Variants in ATRX observed in about 807,000 individuals in gnomAD.
ATRX encodes the protein ATRX chromatin remodeler, also known as chromatin remodeler ATRX.
ATRX carries 12 observed loss-of-function variants against 172.6 expected under a neutral mutation model. The observed-to-expected ratio is 0.07, with a 90% CI of 0.04 to 0.11. ATRX has a LOEUF of 0.11. Ranked by LOEUF, ATRX falls within the 10% of genes least tolerant of loss-of-function variation. The pLI, the probability that ATRX is intolerant of heterozygous loss-of-function variation, is 1.00. For synonymous variants in ATRX, 674 were observed against 594.7 expected (o/e 1.13, Z -1.94); for missense variants, 1,368 against 1,767.4 (o/e 0.77, Z 4.05).
In ATRX at chrX:77,643,303, C is replaced by G. The variant is rs374936813; in HGVS notation, c.4558-7247G>C. Among the ~76,000 whole-genome samples, 14 of 110,777 alleles carry G rather than the reference C, an allele frequency of 1.3e-4. No individual in the cohort carries two copies. The South Asian group carries it at 2.7e-3, about 22-fold the overall frequency. On this transcript the variant is annotated intron_variant, in intron 15 of 34. Coordinates refer to ENST00000373344, the MANE Select transcript of ATRX (RefSeq NM_000489.6). ...CACACACAAAACAACTGCAACGTGA[C>G]TACAGGCCTGGGGCAAGGCATTACA... is the stretch of plus-strand genomic sequence containing the variant.
At chrX:77,575,920 T>A (rs1396415955) in intron 27 of ATRX, among the ~76,000 whole-genome samples, 1 of 111,659 alleles carries the variant, frequency 9.0e-6, no homozygotes, top group Non-Finnish European at 1.9e-5. Flanking sequence ...TACACCTGCC[T>A]CTATTATGGC....
rs782608216 is a variant in ATRX at position 77,681,735 on chromosome X, G to A, written c.3521C>T (p.Ser1174Phe). Residue 1174 changes from serine (S) to phenylalanine (F), a missense_variant, in exon 9 of 35, where the codon TCT becomes TTT. This residue lies in a region of ATRX where 843 missense variants were observed against 643.1 expected (regional missense o/e 1.31). Transcript: ENST00000373344. ...DNKKKKQRTS[S>F]KKKAVIVKEK... ...CTTGACAATGACTGCCTTCTTTTTA[G>A]ATGAAGTTCTTTGCTTCTTCTTTTT... 7 of 1,203,274 alleles carry A rather than the reference G, an allele frequency of 5.8e-6. No homozygotes were observed. Among genetic ancestry groups the A allele is most frequent in the Non-Finnish European group, 7.8e-6 (7 of 893,347 alleles).
chrX:77,681,689 T>A lies in ATRX; in HGVS notation c.3567A>T (p.Leu1189=), dbSNP rs2148569983. Residue 1189 remains leucine, a synonymous_variant, in exon 9 of 35, where the codon CTA becomes CTT. Transcript: ENST00000373344. ...CTTGCTTCCTTTTAGTGCTTGTTCT[T>A]AGGGAGTTTCTCTTTTTCTCCTTGA... ...VIVKEKKRNS[L]RTSTKRKQAD... is the part of the protein sequence containing the mutation. 2.5e-6 allele frequency: 3 copies of A among 1,209,015 alleles called. No homozygotes were observed. The highest frequency in any genetic ancestry group is 3.4e-6 in the Non-Finnish European group (3 of 894,779).
intron 1 of ATRX, among the ~76,000 whole-genome samples, chrX:77,729,656 C>T (rs1603284444): frequency 8.9e-6 from 1 of 111,929 alleles, no homozygotes; most frequent in East Asian, 2.8e-4. Context: ...ATTATATGGC[C>T]GGGCATGATG....
intron 30 of ATRX, among the ~76,000 whole-genome samples, chrX:77,552,229 T>C (rs1443009588): frequency 1.8e-5 from 2 of 110,312 alleles, no homozygotes; most frequent in African/African-American, 6.6e-5. Context: ...CCACCAATGA[T>C]AGACTGGATT....
intron 15 of ATRX, among the ~76,000 whole-genome samples, chrX:77,646,033 G>GT (rs1434447911): frequency 8.1e-5 from 9 of 111,586 alleles, no homozygotes; most frequent in African/African-American, 2.9e-4. Context: ...AAAGAAAGCA[G>GT]TAATGGAGGA....
Position 77,599,584 on chromosome X carries a change from AAAACAAACAAAC to A in ATRX, c.5787-16_5787-5del. On this transcript the variant is annotated splice_polypyrimidine_tract_variant and splice_region_variant and intron_variant, in intron 24 of 34. Transcript: ENST00000373344. Reference sequence around the variant, plus strand: ...CTTTTTCCCTTTTTTCTTCTTTCTAAAAACAAACAAACAAACAAACAAAAAAACACATTCAGA... The same window carrying A: ...CTTTTTCCCTTTTTTCTTCTTTCTAAAAACAAACAAAAAAACACATTCAGA... 8.3e-7 allele frequency: 1 copy of A among 1,209,419 alleles called. No homozygotes were observed. The highest frequency in any genetic ancestry group is 1.1e-6 in the Non-Finnish European group (1 of 894,293).
chrX:77,736,915 G>T (rs985339599), intron 1 of ATRX, among the ~76,000 whole-genome samples: 1 of 111,719 alleles, frequency 9.0e-6, no homozygotes, highest in Non-Finnish European at 1.9e-5. Context: ...CCCGTCATTT[G>T]CAACAACATG....
Position 77,572,034 on chromosome X carries a change from A to G in ATRX, c.6326+2216T>C, listed in dbSNP as rs371436193. 2.1e-4 allele frequency among the ~76,000 whole-genome samples: 24 copies of G among 112,045 alleles called. No individual in the cohort carries two copies. In the East Asian group the frequency reaches 5.9e-3, roughly 27 times the overall value. On this transcript the variant is annotated intron_variant, in intron 28 of 34. Transcript: ENST00000373344. ...AAAAATTAGAATTTACAGAGATATA[A>G]TCTAAAACATTTGTGGATTTTTTCC...
At chrX:77,568,490 C>T (rs2065283254) in intron 28 of ATRX, among the ~76,000 whole-genome samples, 1 of 111,814 alleles carries the variant, frequency 8.9e-6, no homozygotes, top group South Asian at 3.7e-4. Context: ...GATTTTTAAA[C>T]TCCCAAAAAA....
Position 77,681,607 on chromosome X carries a change from C to T in ATRX, c.3649G>A (p.Gly1217Ser), listed in dbSNP as rs781917332. The T allele has an allele frequency of 8.3e-7, 1 of 1,206,560 alleles. No individual in the cohort carries two copies. Among genetic ancestry groups the T allele is most frequent in the Non-Finnish European group, 1.1e-6 (1 of 893,676 alleles). Reference sequence around the variant, plus strand: ...TTCTGTTCATCGCTGCTTCCCTCACCTATAGAATTCTGATCATCATCTTCT... The same window carrying T: ...TTCTGTTCATCGCTGCTTCCCTCACTTATAGAATTCTGATCATCATCTTCT... ...DIEDDDQNSIGEGSSDEQKIK... is the reference protein window; with the variant it reads ...DIEDDDQNSISEGSSDEQKIK... The change falls in exon 9 of 35, where the codon GGT becomes AGT. Residue 1217 changes from glycine (G) to serine (S), a missense_variant. Around this residue, in one of 17 missense-constraint regions of ATRX, gnomAD observed 843 missense variants for 643.1 expected, o/e 1.31. Transcript: ENST00000373344.
chrX:77,511,631 G>T (rs564033302), intron 34 of ATRX, among the ~76,000 whole-genome samples: 1 of 111,588 alleles, frequency 9.0e-6, no homozygotes, highest in African/African-American at 3.3e-5. Flanking sequence ...TAATTTAAAA[G>T]AATCAAGCAG....
At chrX:77,531,261 G>A (rs781956071) in intron 30 of ATRX, among the ~76,000 whole-genome samples, 71 of 112,027 alleles carry the variant, frequency 6.3e-4, no homozygotes, top group African/African-American at 1.8e-3. Flanking sequence ...GGACTCCTCC[G>A]TAACTCATTC....
intron 30 of ATRX, among the ~76,000 whole-genome samples, chrX:77,537,670 T>TAA (rs201133184): frequency 1.9e-5 from 2 of 105,864 alleles, no homozygotes; most frequent in East Asian, 3.0e-4. Flanking sequence ...CTCTATCTCT[T>TAA]AAAAAAAAAA....
Position 77,652,154 on chromosome X carries a change from C to A in ATRX, c.4517G>T (p.Arg1506Leu), listed in dbSNP as rs181244850. The stretch of plus-strand genomic sequence containing the variant: ...TCGCTCACGCTCCCTCTCAGCAATA[C>A]GTTTTCGTCTCTCTTCCTCTTCCTT... ...ALKEEEERRK[R>L]IAEREREREK... Residue 1506 changes from arginine (R) to leucine (L), a missense_variant, in exon 15 of 35, where the codon CGT (arginine) becomes CTT (leucine). By Grantham distance (102) the Arg-to-Leu change is moderately radical. Around this residue, in one of 17 missense-constraint regions of ATRX, gnomAD observed 27 missense variants for 110.8 expected, o/e 0.24. Coordinates refer to ENST00000373344, the MANE Select transcript of ATRX (RefSeq NM_000489.6). 1 of 1,209,473 alleles carries A rather than the reference C, an allele frequency of 8.3e-7. No homozygotes were observed. Among genetic ancestry groups the A allele is most frequent in the Non-Finnish European group, 1.1e-6 (1 of 895,134 alleles).
Position 77,673,013 on chromosome X carries a change from C to T in ATRX, c.3809+3213G>A, listed in dbSNP as rs150734251. Reference sequence around the variant, plus strand: ...CTTCAGTGATTGTTCAGTATGCAATCTCTAAAGACAAGCCTAGTTTAATGA... The same window carrying T: ...CTTCAGTGATTGTTCAGTATGCAATTTCTAAAGACAAGCCTAGTTTAATGA... On this transcript the variant is annotated intron_variant, in intron 10 of 34. Transcript: ENST00000373344. Among the ~76,000 whole-genome samples the T allele has an allele frequency of 1.4e-3, 152 of 111,451 alleles. 1 individual carries two copies. In the East Asian group the frequency reaches 0.023, roughly 17 times the overall value.
At chrX:77,543,768 T>G (rs782143363) in intron 30 of ATRX, among the ~76,000 whole-genome samples, 1 of 106,786 alleles carries the variant, frequency 9.4e-6, no homozygotes, top group Middle Eastern at 4.8e-3. Flanking sequence ...TGAGAACACA[T>G]GGACACAAGG....
In ATRX at chrX:77,523,747, C is replaced by T. The variant is rs782288763; in HGVS notation, c.6700-346G>A. 5.4e-5 allele frequency among the ~76,000 whole-genome samples: 6 copies of T among 111,582 alleles called. No individual in the cohort carries two copies. The South Asian group carries it at 2.2e-3, about 42-fold the overall frequency. On this transcript the variant is annotated intron_variant, in intron 30 of 34. Coordinates refer to ENST00000373344, the MANE Select transcript of ATRX (RefSeq NM_000489.6). ...AACATAAGTCTGCTTAAATTAGTGA[C>T]TATATTGGATGCCTGTGCTAGAAAT...
intron 20 of ATRX, among the ~76,000 whole-genome samples, chrX:77,620,049 C>T (rs1416998419): frequency 8.9e-6 from 1 of 111,961 alleles, no homozygotes; most frequent in African/African-American, 3.2e-5. Context: ...ACAGTACATG[C>T]CCCAAAACTG....
Sources: gnomAD v4.1 joint callset for allele counts (sites outside exome capture counted in the v4.1 genomes callset) on GRCh38, gnomAD v4.1.1 for gene constraint, gnomAD v4.1.1 regional missense constraint, MANE v1.5 for transcripts, NCBI Gene and HGNC (gene_info 2026-07-23, HGNC 2026-07-21) for gene names.